ALX1: variants seen among roughly 807,000 people sequenced by gnomAD.
The protein encoded by ALX1 is ALX homeobox 1.
A neutral mutation model predicts 31.7 loss-of-function variants in ALX1; 19 were observed. That is an observed-to-expected ratio of 0.60 (90% CI 0.42 to 0.88). ALX1 has a LOEUF of 0.88. ALX1 is among the 40% of genes least tolerant of loss of function. The pLI is 0.00. For missense variants in ALX1, 415 were observed against 407.8 expected (o/e 1.02, Z -0.15); for synonymous variants, 153 against 148.8 (o/e 1.03, Z -0.20).
intron 2 of ALX1, among the ~76,000 whole-genome samples, chr12:85,284,205 A>T (rs1013849367): frequency 7.1e-6 from 1 of 141,440 alleles, no homozygotes; most frequent in African/African-American, 2.9e-5. Flanking sequence ...CTATTTAGTA[A>T]TTGGTATATT....
At chr12:85,296,518 T>C (rs1235438704) in intron 3 of ALX1, among the ~76,000 whole-genome samples, 2 of 151,612 alleles carry the variant, frequency 1.3e-5, no homozygotes, top group Non-Finnish European at 3.0e-5. Flanking sequence ...ACGTTCAAAG[T>C]GAAGTGCAGT....
At position 85,286,969 on chromosome 12, in the gene ALX1, C is replaced by G; in HGVS notation, c.648C>G (p.Asp216Glu). 6.2e-7 allele frequency: 1 copy of G among 1,612,038 alleles called. No individual in the cohort carries two copies. The highest frequency in any genetic ancestry group is 8.5e-7 in the Non-Finnish European group (1 of 1,178,478). The part of the protein sequence containing the change: ...TYDISVLPRT[D>E]SYPQIQNNLW... ...ATATATCAGTTTTGCCAAGGACTGA[C>G]AGCTACCCACAGGTATGCTAAACTA... The change falls in exon 3 of 4, where the codon GAC becomes GAG. Residue 216 changes from aspartate (D) to glutamate (E), a missense_variant. Coordinates refer to ENST00000316824, the MANE Select transcript of ALX1 (RefSeq NM_006982.3).
At chr12:85,283,074 A>G (rs1444152256) in intron 1 of ALX1, among the ~76,000 whole-genome samples, 1 of 152,224 alleles carries the variant, frequency 6.6e-6, no homozygotes, top group Non-Finnish European at 1.5e-5. Context: ...TCTGAAATCT[A>G]TCATCAGTAC....
At position 85,280,233 on chromosome 12, in the gene ALX1, C is replaced by T. The variant is rs1226347324; in HGVS notation, c.-29C>T. On this transcript the variant is annotated 5_prime_UTR_variant, in exon 1 of 4. Coordinates refer to ENST00000316824, the MANE Select transcript of ALX1 (RefSeq NM_006982.3). ...CCAGCGCTCTCCAGTTTCTGTGCCCCAGGAGCTACGCGACAGTCTTCCAGG... is the reference window on the plus strand; with the variant it reads ...CCAGCGCTCTCCAGTTTCTGTGCCCTAGGAGCTACGCGACAGTCTTCCAGG... The T allele has an allele frequency of 6.2e-7, 1 of 1,605,030 alleles. No homozygotes were observed.
At chr12:85,289,369 A>G (rs1283662132) in intron 3 of ALX1, among the ~76,000 whole-genome samples, 1 of 151,154 alleles carries the variant, frequency 6.6e-6, no homozygotes, top group East Asian at 1.9e-4. Context: ...ATTGTACCTC[A>G]AAGCTTTATA....
intron 3 of ALX1, among the ~76,000 whole-genome samples, chr12:85,287,811 G>A (rs554478498): frequency 9.9e-5 from 15 of 151,190 alleles, no homozygotes; most frequent in South Asian, 4.2e-4. Flanking sequence ...TATAAGCAAC[G>A]AGCTATGCAT....
intron 3 of ALX1, among the ~76,000 whole-genome samples, chr12:85,299,048 T>TA (rs1242278545): frequency 2.7e-5 from 4 of 149,446 alleles, no homozygotes; most frequent in Non-Finnish European, 5.9e-5. Flanking sequence ...ATGATTTTAA[T>TA]AAAAAATTCA....
chr12:85,294,714 A>T lies in ALX1; in HGVS notation c.661-6441A>T, dbSNP rs531322671. On this transcript the variant is annotated intron_variant, in intron 3 of 3. Coordinates refer to ENST00000316824, the MANE Select transcript of ALX1 (RefSeq NM_006982.3). ...TTTTGCACTAAAAGTAGACATACAC[A>T]TTTATTTTTCTGCTAAGCAGTTTTC... Among the ~76,000 whole-genome samples the T allele has an allele frequency of 9.3e-5, 14 of 150,994 alleles. No individual in the cohort carries two copies. The South Asian group carries it at 2.9e-3, about 31-fold the overall frequency.
At chr12:85,285,832 C>T (rs1418482293) in intron 2 of ALX1, among the ~76,000 whole-genome samples, 1 of 151,844 alleles carries the variant, frequency 6.6e-6, no homozygotes, top group Non-Finnish European at 1.5e-5. Context: ...CTATAATGTT[C>T]ATTTAAAAAC....
At position 85,280,364 on chromosome 12, in the gene ALX1, C is replaced by A. The variant is rs1272696646; in HGVS notation, c.103C>A (p.Leu35Met). ...TCCTCTGGAGCACGTTATGGAGACG[C>A]TGGACAATGAGTCCTTTTACAGCAA... ...GGPLEHVMET[L>M]DNESFYSKAS... Residue 35 changes from leucine to methionine, a missense_variant, in exon 1 of 4, where the codon CTG becomes ATG. Leu to Met is a conservative substitution (Grantham distance 15). Transcript: ENST00000316824. The A allele has an allele frequency of 3.7e-6, 6 of 1,613,948 alleles. No individual in the cohort carries two copies. The highest frequency in any genetic ancestry group is 5.1e-6 in the Non-Finnish European group (6 of 1,180,032).
At chr12:85,283,437 TAATTG>T in intron 1 of ALX1, 130 bp from the exon 2 acceptor site, 1 of 855,552 alleles carries the variant, frequency 1.2e-6, no homozygotes. Flanking sequence ...AGAAATGTGG[TAATTG>T]AATTAATACT....
chr12:85,280,995 A>G (rs1034891800), intron 1 of ALX1, among the ~76,000 whole-genome samples: 1 of 152,158 alleles, frequency 6.6e-6, no homozygotes, highest in African/African-American at 2.4e-5. Context: ...GTAAAGATAA[A>G]TCTTTTTAAT....
intron 1 of ALX1, among the ~76,000 whole-genome samples, chr12:85,282,883 C>T (rs867211982): frequency 6.3e-4 from 93 of 146,706 alleles, no homozygotes; most frequent in African/African-American, 2.3e-3. Flanking sequence ...AAAAGAACTG[C>T]GTAAGTTTTT....
At chr12:85,280,724 C>G (rs561515704) in intron 1 of ALX1, among the ~76,000 whole-genome samples, 33 of 152,284 alleles carry the variant, frequency 2.2e-4, no homozygotes, top group Non-Finnish European at 8.8e-5. Context: ...CTGAGCGATT[C>G]TCCTTTCGCT....
In ALX1 at chr12:85,283,603, G is replaced by A; in HGVS notation, c.258G>A (p.Gln86=). Reference sequence around the variant, plus strand: ...ATGGGATCACTAAAGTAGAAGGACAGCCCCTTCACACCGAACTGAATAGAG... The same window carrying A: ...ATGGGATCACTAAAGTAGAAGGACAACCCCTTCACACCGAACTGAATAGAG... ...VNYGITKVEG[Q]PLHTELNRAM... is the part of the protein sequence containing the mutation. The change falls in exon 2 of 4, where the codon CAG becomes CAA. Residue 86 remains glutamine (Q), a synonymous_variant. Coordinates refer to ENST00000316824, the MANE Select transcript of ALX1 (RefSeq NM_006982.3). 1.2e-6 allele frequency: 2 copies of A among 1,614,120 alleles called. No individual in the cohort carries two copies. Among genetic ancestry groups the A allele is most frequent in the Non-Finnish European group, 1.7e-6 (2 of 1,180,000 alleles).
At position 85,284,341 on chromosome 12, in the gene ALX1, T is replaced by TA. The variant is rs74679141; in HGVS notation, c.531+476dup. Among the ~76,000 whole-genome samples the TA allele has an allele frequency of 9.9e-3, 1,400 of 140,976 alleles. 30 individuals carry two copies. Among genetic ancestry groups the TA allele is most frequent in the African/African-American group, 0.032 (1,243 of 38,836 alleles). 92.5% of individuals were successfully genotyped at this position (140,976 alleles called of 152,430 possible). Reference sequence around the variant, plus strand: ...GAAATTTCTAGATTTGGAGGCATAATAAAAAAAAAAACAATCCCACAAATT... The same window carrying TA: ...GAAATTTCTAGATTTGGAGGCATAATAAAAAAAAAAAACAATCCCACAAATT... On this transcript the variant is annotated intron_variant, in intron 2 of 3. Transcript: ENST00000316824.
In ALX1 at chr12:85,301,357, G is replaced by C. The variant is rs531910111; in HGVS notation, c.863G>C (p.Gly288Ala). Residue 288 changes from glycine to alanine, a missense_variant, in exon 4 of 4, where the codon GGG (glycine) becomes GCG (alanine). Physicochemically the swap from Gly to Ala is moderately conservative, Grantham distance 60. Transcript: ENST00000316824. Reference protein sequence around the residue: ...NNFFTDSLLTGATNGHAFETK... With the variant: ...NNFFTDSLLTAATNGHAFETK... ...TTTTTCACTGACTCTCTTCTTACTGGGGCAACCAATGGACATGCATTTGAA... is the reference window on the plus strand; with the variant it reads ...TTTTTCACTGACTCTCTTCTTACTGCGGCAACCAATGGACATGCATTTGAA... 9 of 1,613,926 alleles carry C rather than the reference G, an allele frequency of 5.6e-6. No individual in the cohort carries two copies. Among genetic ancestry groups the C allele is most frequent in the Non-Finnish European group, 6.8e-6 (8 of 1,179,954 alleles).
chr12:85,295,931 T>C (rs1013531451), intron 3 of ALX1, among the ~76,000 whole-genome samples: 1 of 151,340 alleles, frequency 6.6e-6, no homozygotes, highest in Non-Finnish European at 1.5e-5. Flanking sequence ...AGTATTTCTA[T>C]GAAATTTGAT....
At chr12:85,295,944 T>C (rs1484828850) in intron 3 of ALX1, among the ~76,000 whole-genome samples, 1 of 144,912 alleles carries the variant, frequency 6.9e-6, no homozygotes, top group African/African-American at 2.9e-5. Context: ...AATTTGATAG[T>C]GTTGTTTCTT....
Sources: allele counts gnomAD v4.1 joint callset (sites outside exome capture counted in the v4.1 genomes callset), GRCh38; gene constraint gnomAD v4.1.1; transcripts MANE v1.5; gene names NCBI Gene and HGNC (gene_info 2026-07-23, HGNC 2026-07-21).